Variants in CYFIP1 observed in about 807,000 individuals in gnomAD.
CYFIP1 encodes the protein cytoplasmic FMR1-interacting protein 1.
A neutral mutation model predicts 163.5 loss-of-function variants in CYFIP1; 58 were observed. The observed-to-expected ratio is 0.35, with a 90% CI of 0.29 to 0.44. The LOEUF is 0.44. Among genes scored for constraint, CYFIP1 ranks in the 20% least tolerant of loss-of-function variants. CYFIP1 has a pLI of 1.00. For missense variants in CYFIP1, 1,338 were observed against 1,653.8 expected (o/e 0.81, Z 3.31); for synonymous variants, 663 against 660.7 (o/e 1.00, Z -0.05).
Position 22,939,498 on chromosome 15 carries a change from C to T in CYFIP1, c.579G>A (p.Gln193=). The change falls in exon 7 of 31, where the codon CAG becomes CAA. Residue 193 remains glutamine (Q), a synonymous_variant. Coordinates refer to ENST00000617928, the MANE Select transcript of CYFIP1 (RefSeq NM_014608.6). ...NDHSAYKRAA[Q]FLRKMADPQS... is the part of the protein sequence containing the mutation. ...GTGGATCTGCCATTTTACGTAAAAACTGAGCGGCCCTTTGAAAACAAAAAG... is the reference window on the plus strand; with the variant it reads ...GTGGATCTGCCATTTTACGTAAAAATTGAGCGGCCCTTTGAAAACAAAAAG... 2 of 1,581,070 alleles carry T rather than the reference C, an allele frequency of 1.3e-6. No individual in the cohort carries two copies. Among genetic ancestry groups the T allele is most frequent in the Non-Finnish European group, 8.6e-7 (1 of 1,163,708 alleles).
chr15:22,871,372 C>A (rs889335791), intron 30 of CYFIP1, among the ~76,000 whole-genome samples: 31 of 152,162 alleles, frequency 2.0e-4, no homozygotes, highest in African/African-American at 7.5e-4. Context: ...ATTTGAAGAA[C>A]CTAATTGAAC....
chr15:22,917,357 C>T lies in CYFIP1; in HGVS notation c.1674+431G>A. On this transcript the variant is annotated intron_variant, in intron 15 of 30. Coordinates refer to ENST00000617928, the MANE Select transcript of CYFIP1 (RefSeq NM_014608.6). The surrounding 1 kb of genome is among the most constrained non-coding windows in gnomAD (Gnocchi z 4.2). ...GCACCTCGGGGAGGCCTGAACACAC[C>T]AGGAGAGAGGACAGTGGGCAGCTTA... 8.2e-7 allele frequency: 1 copy of T among 1,217,786 alleles called. No homozygotes were observed. The highest frequency in any genetic ancestry group is 2.3e-5 in the South Asian group (1 of 43,304). 75.4% of individuals were successfully genotyped at this position (1,217,786 alleles called of 1,614,324 possible).
chr15:22,959,188 C>T (rs966462750), intron 1 of CYFIP1, among the ~76,000 whole-genome samples: 3 of 152,208 alleles, frequency 2.0e-5, no homozygotes, highest in Non-Finnish European at 2.9e-5. Flanking sequence ...TTCTTTCCCA[C>T]CTGTGTGCAC....
chr15:22,934,148 T>TAAA (rs139040424), intron 9 of CYFIP1, among the ~76,000 whole-genome samples: 10 of 113,812 alleles, frequency 8.8e-5, no homozygotes, highest in South Asian at 6.0e-4. Flanking sequence ...TCCACAGTCA[T>TAAA]AAAAAAAAAA....
intron 1 of CYFIP1, among the ~76,000 whole-genome samples, chr15:22,964,851 G>A (rs906441588): frequency 2.0e-5 from 3 of 152,138 alleles, no homozygotes; most frequent in African/African-American, 7.2e-5. Context: ...TGGGTTATTT[G>A]CAGCGACCCT....
At chr15:22,971,077 A>G (rs1289013033) in intron 1 of CYFIP1, among the ~76,000 whole-genome samples, 2 of 152,004 alleles carry the variant, frequency 1.3e-5, no homozygotes, top group East Asian at 1.9e-4. Context: ...ATCTGTCTCG[A>G]AAAAAAACCA....
At chr15:22,937,593 A>G (rs1223182799) in intron 8 of CYFIP1, among the ~76,000 whole-genome samples, 1 of 141,998 alleles carries the variant, frequency 7.0e-6, no homozygotes, top group Non-Finnish European at 1.6e-5. Context: ...CAAACTAAAA[A>G]TTCTTTTTTT....
In CYFIP1 at chr15:22,903,817, C is replaced by T. The variant is rs199773703; in HGVS notation, c.2477G>A (p.Arg826Gln). The T allele has an allele frequency of 6.4e-5, 103 of 1,614,182 alleles. No individual in the cohort carries two copies. The highest frequency in any genetic ancestry group is 8.1e-5 in the Non-Finnish European group (96 of 1,180,024). Residue 826 changes from arginine to glutamine, a missense_variant, in exon 22 of 31, where the codon CGG becomes CAG. Transcript: ENST00000617928. ...CGCTGACACGTTGTGGTTGGCCTCC[C>T]GGAACATGGCGTCGAAGCCGTCCAG... ...LTLDGFDAMFREANHNVSAPY... is the reference protein window; with the variant it reads ...LTLDGFDAMFQEANHNVSAPY...
Position 22,903,899 on chromosome 15 carries a change from C to G in CYFIP1, c.2395G>C (p.Asp799His), listed in dbSNP as rs1485795447. 12 of 1,613,824 alleles carry G rather than the reference C, an allele frequency of 7.4e-6. No homozygotes were observed. Among genetic ancestry groups the G allele is most frequent in the Non-Finnish European group, 1.0e-5 (12 of 1,179,970 alleles). ...ATGCGGTTGATTTCCAACAGGCCAT[C>G]CAGCTCCTGTGGCACCAAAGACAGG... ...SEDLTSIVEL[D>H]GLLEINRMTH... The change falls in exon 22 of 31, where the codon GAT becomes CAT. Residue 799 changes from aspartate (D) to histidine (H), a missense_variant. Physicochemically the swap from Asp to His is moderately conservative, Grantham distance 81. This residue lies in a region of CYFIP1 where 824 missense variants were observed against 995.7 expected (regional missense o/e 0.83). Transcript: ENST00000617928.
chr15:22,926,345 G>A (rs1318969272), intron 12 of CYFIP1, among the ~76,000 whole-genome samples: 3 of 152,126 alleles, frequency 2.0e-5, no homozygotes, highest in Non-Finnish European at 2.9e-5. Flanking sequence ...TGAGTGCTGA[G>A]TATCTAAGAC....
rs951576386 is a variant in CYFIP1, at chr15:22,951,244, C to T, written c.-6-3953G>A. ...TGGACCTCCCCGACACGTAAGGGAA[C>T]GCCCCCGACCGCAGCCGGTCACTGC... On this transcript the variant is annotated intron_variant, in intron 1 of 30. Transcript: ENST00000617928. 1.3e-5 allele frequency: 12 copies of T among 924,046 alleles called. No homozygotes were observed. The African/African-American group carries it at 2.0e-4, about 15-fold the overall frequency. 57.2% of individuals were successfully genotyped at this position (924,046 alleles called of 1,614,324 possible). A position where few individuals can be genotyped will look rare whatever the true frequency, so the allele number is the denominator to read the frequency against.
rs942805845 is a variant in CYFIP1, at chr15:22,868,673, C to T, written c.*1355G>A. On this transcript the variant is annotated 3_prime_UTR_variant, in exon 31 of 31. Transcript: ENST00000617928. ...AGTTTGGCAGTGTAACAGGATGGTT[C>T]GTACACTTACTACTTTTCTGTGCCG... 7.1e-5 allele frequency: 10 copies of T among 140,372 alleles called. No individual in the cohort carries two copies. The highest frequency in any genetic ancestry group is 5.4e-4 in the Admixed American group (8 of 14,920). The allele number at this position is 140,372 out of a possible 1,614,324, so 8.7% of individuals were successfully genotyped here.
At chr15:22,912,827 A>G (rs1288614193) in intron 17 of CYFIP1, among the ~76,000 whole-genome samples, 3 of 152,062 alleles carry the variant, frequency 2.0e-5, no homozygotes, top group South Asian at 4.1e-4. Flanking sequence ...AGGCTGAGGT[A>G]GAAGGATCAC....
chr15:22,935,116 C>T (rs867222762), intron 9 of CYFIP1, among the ~76,000 whole-genome samples: 7 of 152,238 alleles, frequency 4.6e-5, no homozygotes, highest in Admixed American at 2.6e-4. Flanking sequence ...TCAATTCTAA[C>T]GTGCATCTCC....
At chr15:22,928,149 G>T in intron 11 of CYFIP1, 121 bp from the exon 12 acceptor site, 2 of 1,208,752 alleles carry the variant, frequency 1.7e-6, no homozygotes, top group Non-Finnish European at 2.2e-6. Context: ...AATGCAGGAG[G>T]CCAAGGCGGG....
At chr15:22,900,300 G>C (rs1490452418) in intron 22 of CYFIP1, among the ~76,000 whole-genome samples, 1 of 152,014 alleles carries the variant, frequency 6.6e-6, no homozygotes, top group Non-Finnish European at 1.5e-5. Flanking sequence ...ACCGCCAGAA[G>C]TAACAGCTCT....
In CYFIP1 at chr15:22,937,201, C is replaced by A; in HGVS notation, c.803G>T (p.Gly268Val). The change falls in exon 9 of 31, where the codon GGA becomes GTA. Residue 268 changes from glycine (G) to valine (V), a missense_variant. Physicochemically the swap from Gly to Val is moderately radical, Grantham distance 109 (BLOSUM62 -3). Around this residue, in one of 4 missense-constraint regions of CYFIP1, gnomAD observed 824 missense variants for 995.7 expected, o/e 0.83. Coordinates refer to ENST00000617928, the MANE Select transcript of CYFIP1 (RefSeq NM_014608.6). ...SEKHMLLKVM[G>V]FGLYLMDGSV... Reference sequence around the variant, plus strand: ...CCCATCCATCAGGTACAGACCAAATCCCATGACCTGAAAAGCCACAAAATG... The same window carrying A: ...CCCATCCATCAGGTACAGACCAAATACCATGACCTGAAAAGCCACAAAATG... 6.2e-7 allele frequency: 1 copy of A among 1,607,000 alleles called. No homozygotes were observed. Among genetic ancestry groups the A allele is most frequent in the South Asian group, 1.1e-5 (1 of 90,814 alleles).
upstream of CYFIP1, among the ~76,000 whole-genome samples, chr15:22,980,823 C>T (rs1041404477): frequency 5.3e-5 from 8 of 152,046 alleles, no homozygotes; most frequent in Non-Finnish European, 1.2e-4. Context: ...GTTCCAGGCG[C>T]GGGTCCCAGC....
chr15:22,972,782 G>A (rs1567051069), intron 1 of CYFIP1, among the ~76,000 whole-genome samples: 1 of 152,194 alleles, frequency 6.6e-6, no homozygotes, highest in Non-Finnish European at 1.5e-5. Context: ...CAGGCAGGGG[G>A]ATCACCTGAG....
Sources: gnomAD v4.1 joint callset for allele counts (sites outside exome capture counted in the v4.1 genomes callset) on GRCh38, gnomAD v4.1.1 for gene constraint, gnomAD v4.1.1 regional missense constraint, Gnocchi (gnomAD v3.1) non-coding constraint, MANE v1.5 for transcripts, NCBI Gene and HGNC (gene_info 2026-07-23, HGNC 2026-07-21) for gene names.